Variants in ZNF558 observed in about 807,000 individuals in gnomAD.
ZNF558 encodes zinc finger protein 558.
Under a neutral mutation model 37.6 loss-of-function variants are expected in ZNF558, and 23 were observed. That is an observed-to-expected ratio of 0.61 (90% confidence interval 0.44 to 0.87). ZNF558 has a LOEUF of 0.87. ZNF558 is among the 40% of genes least tolerant of loss of function. The pLI is 0.00. For missense variants in ZNF558, 429 were observed against 483.7 expected, an observed-to-expected ratio of 0.89 and a Z score of 1.06; for synonymous variants, 189 against 174.4, an observed-to-expected ratio of 1.08 and a Z score of -0.66.
At position 8,819,653 on chromosome 19, in the gene ZNF558, G is replaced by C. The variant is rs1599270766; in HGVS notation, c.247+1527C>G. On this transcript the variant is annotated intron_variant, in intron 7 of 9. Transcript: ENST00000601372. ...AAACAACCCAAGTAAAACATGGGCAGAGGACTGGGAGCGGTGGCTCACACT... is the reference window on the plus strand; with the variant it reads ...AAACAACCCAAGTAAAACATGGGCACAGGACTGGGAGCGGTGGCTCACACT... Among the ~76,000 whole-genome samples, 8 of 152,306 alleles carry C rather than the reference G, an allele frequency of 5.3e-5. 1 individual carries two copies. Among genetic ancestry groups the C allele is most frequent in the Admixed American group, 1.3e-4 (2 of 15,304 alleles).
upstream of ZNF558, among the ~76,000 whole-genome samples, chr19:8,834,281 A>G (rs2044428789): frequency 1.3e-5 from 2 of 152,184 alleles, no homozygotes; most frequent in Non-Finnish European, 2.9e-5. Context: ...CTCTTCAACA[A>G]ATTGTGCTGG....
chr19:8,827,640 C>G (rs1363144284), intron 2 of ZNF558, among the ~76,000 whole-genome samples: 1 of 134,462 alleles, frequency 7.4e-6, no homozygotes, highest in Non-Finnish European at 1.5e-5. Context: ...GTGGTGCAAT[C>G]TCTGCTCACT....
At chr19:8,814,286 C>T (rs2043873406) in intron 7 of ZNF558, among the ~76,000 whole-genome samples, 1 of 152,160 alleles carries the variant, frequency 6.6e-6, no homozygotes, top group African/African-American at 2.4e-5. Context: ...CTCTTCCTGA[C>T]CTGTCTGGTG....
At position 8,821,827 on chromosome 19, in the gene ZNF558, A is replaced by T. The variant is rs2044100159; in HGVS notation, c.120+176T>A. The T allele has an allele frequency of 2.8e-6, 4 of 1,444,646 alleles. No homozygotes were observed. In the East Asian group the frequency reaches 1.0e-4, roughly 36 times the overall value. The allele number at this position is 1,444,646 out of a possible 1,614,324, so 89.5% of individuals were successfully genotyped here. The stretch of plus-strand genomic sequence containing the variant: ...CTGGAGGGAGCTCTGAACCTGCAGT[A>T]AATGTTGACACACACTGACATTTTC... On this transcript the variant is annotated intron_variant, in intron 6 of 9. Coordinates refer to ENST00000601372, the MANE Select transcript of ZNF558 (RefSeq NM_144693.3).
chr19:8,812,194 G>T (rs1465272428), intron 9 of ZNF558, 131 bp from the exon 10 acceptor site: 1 of 889,038 alleles, frequency 1.1e-6, no homozygotes, highest in Non-Finnish European at 1.6e-6. Context: ...TTCAGTGGTT[G>T]TATGTGATTT....
intron 7 of ZNF558, among the ~76,000 whole-genome samples, chr19:8,818,000 G>A (rs2043983150): frequency 2.0e-5 from 3 of 152,040 alleles, no homozygotes; most frequent in African/African-American, 7.2e-5. Flanking sequence ...AATATATAAA[G>A]AACACACCAC....
At chr19:8,815,694 G>C (rs1030847356) in intron 7 of ZNF558, among the ~76,000 whole-genome samples, 4 of 152,066 alleles carry the variant, frequency 2.6e-5, no homozygotes, top group African/African-American at 9.7e-5. Flanking sequence ...GCTGAGGTGG[G>C]AGGATCACTT....
At chr19:8,830,115 G>C (rs1316249248) in intron 2 of ZNF558, among the ~76,000 whole-genome samples, 1 of 152,128 alleles carries the variant, frequency 6.6e-6, no homozygotes, top group Non-Finnish European at 1.5e-5. Flanking sequence ...GTTCCCACAA[G>C]ATCTGATGGT....
Position 8,812,562 on chromosome 19 carries a change from GT to G in ZNF558, c.424del (p.Thr142ArgfsTer8). 1 of 1,567,104 alleles carries G rather than the reference GT, an allele frequency of 6.4e-7. No homozygotes were observed. The highest frequency in any genetic ancestry group is 8.6e-7 in the Non-Finnish European group (1 of 1,163,836). On this transcript the variant is annotated frameshift_variant and splice_region_variant, in exon 9 of 10. Transcript: ENST00000601372. LOFTEE classifies it high-confidence loss of function. ...FRKEQSKGVK[T>X]ERSHRGVKLN... ...AGAAATCACCCATGTTAGTCTTACC[GT>G]TTTTACACCTTTAGACTGTTCTTTT... is the stretch of plus-strand genomic sequence containing the variant.
At chr19:8,834,375 T>C (rs1599306999), upstream of ZNF558, among the ~76,000 whole-genome samples, 2 of 151,916 alleles carry the variant, frequency 1.3e-5, no homozygotes, top group African/African-American at 4.8e-5. Context: ...TTTGGGAGGC[T>C]GAGGCAGGCA....
At chr19:8,825,996 G>A (rs904533570) in intron 2 of ZNF558, among the ~76,000 whole-genome samples, 9 of 152,174 alleles carry the variant, frequency 5.9e-5, no homozygotes, top group Admixed American at 2.0e-4. Flanking sequence ...AAGAAGGATG[G>A]GATGAGATGA....
chr19:8,830,569 G>A (rs774873275), intron 2 of ZNF558, among the ~76,000 whole-genome samples: 3 of 152,108 alleles, frequency 2.0e-5, no homozygotes, highest in Non-Finnish European at 2.9e-5. Flanking sequence ...ATATTTTGAA[G>A]TTTGGTGGAG....
rs1568458944 is a variant in ZNF558, at chr19:8,810,624, T to C, written c.*657A>G. 1 of 152,230 alleles carries C rather than the reference T, an allele frequency of 6.6e-6. No homozygotes were observed. The highest frequency in any genetic ancestry group is 2.4e-5 in the African/African-American group (1 of 41,442). The allele number at this position is 152,230 out of a possible 1,614,324, so 9.4% of individuals were successfully genotyped here. ...GAATGCTATTTCATATTGATTAGAG[T>C]AGAAGGATGATGTGCTGAGGGCTTT... On this transcript the variant is annotated 3_prime_UTR_variant, in exon 10 of 10. Transcript: ENST00000601372.
chr19:8,812,755 A>G (rs572095591), intron 8 of ZNF558, 112 bp from the exon 9 acceptor site: 1 of 616,062 alleles, frequency 1.6e-6, no homozygotes, highest in East Asian at 3.0e-5. Flanking sequence ...GTTTGCAACA[A>G]AGAGGATTTG....
intron 1 of ZNF558, 195 bp downstream of exon 1, chr19:8,832,014 T>A (rs1195649222): frequency 6.6e-6 from 1 of 152,120 alleles, no homozygotes; most frequent in African/African-American, 2.4e-5. Context: ...GCGACTGGGG[T>A]TCCCTGAGGA....
rs1397282548 is a variant in ZNF558 at position 8,821,408 on chromosome 19, C to G, written c.121-102G>C. The G allele has an allele frequency of 1.9e-6, 3 of 1,608,098 alleles. No individual in the cohort carries two copies. The African/African-American group carries it at 4.0e-5, about 21-fold the overall frequency. The stretch of plus-strand genomic sequence containing the variant: ...AGAGCCAGGGCTGGGGAAACCTGAG[C>G]ACGAGATGTTGGGGGGGGTGGTTCT... On this transcript the variant is annotated intron_variant, in intron 6 of 9. Transcript: ENST00000601372.
At chr19:8,819,923 G>C (rs1256163306) in intron 7 of ZNF558, among the ~76,000 whole-genome samples, 3 of 152,172 alleles carry the variant, frequency 2.0e-5, no homozygotes, top group African/African-American at 7.2e-5. Context: ...TCCAGCCTGG[G>C]CGACAGAGGG....
At chr19:8,828,204 T>C (rs897901978) in intron 2 of ZNF558, among the ~76,000 whole-genome samples, 4 of 152,140 alleles carry the variant, frequency 2.6e-5, no homozygotes, top group African/African-American at 9.7e-5. Flanking sequence ...AGGAAGGTAA[T>C]AGTAACCTAA....
chr19:8,825,346 G>A (rs990018298), intron 2 of ZNF558, among the ~76,000 whole-genome samples: 5 of 152,024 alleles, frequency 3.3e-5, no homozygotes, highest in Admixed American at 2.0e-4. Flanking sequence ...AAGTGATTGC[G>A]GTTTTTGCCA....
Sources: gnomAD v4.1 joint callset for allele counts (sites outside exome capture counted in the v4.1 genomes callset) on GRCh38, gnomAD v4.1.1 for gene constraint, MANE v1.5 for transcripts, NCBI Gene and HGNC (gene_info 2026-07-23, HGNC 2026-07-21) for gene names.